Variants in BAZ1B observed in about 807,000 individuals in gnomAD.
The protein encoded by BAZ1B is tyrosine-protein kinase BAZ1B.
Under a neutral mutation model 153.8 loss-of-function variants are expected in BAZ1B, and 22 were observed. The ratio of observed to expected loss-of-function variants is 0.14; its 90% CI spans 0.10 to 0.20. The LOEUF is 0.20. Ranked by LOEUF, BAZ1B falls within the 10% of genes least tolerant of loss-of-function variation. The probability of loss-of-function intolerance (pLI) is 1.00; values close to 1 mark genes in which losing one functional copy is unlikely to be tolerated. For synonymous variants in BAZ1B, 676 were observed against 633.4 expected (o/e 1.07, Z -1.01); for missense variants, 1,325 against 1,799.3 (o/e 0.74, Z 4.77).
chr7:73,500,891 A>T (rs1484863296), intron 3 of BAZ1B, among the ~76,000 whole-genome samples: 34 of 126,738 alleles, frequency 2.7e-4, no homozygotes, highest in Middle Eastern at 4.7e-3. Flanking sequence ...CTCTGTTTAT[A>T]AAAAAAAAAA....
chr7:73,457,224 G>A (rs1437101751), intron 13 of BAZ1B, among the ~76,000 whole-genome samples: 1 of 151,956 alleles, frequency 6.6e-6, no homozygotes, highest in Non-Finnish European at 1.5e-5. Flanking sequence ...GTTGCCCAGG[G>A]TAGAGTGCAG....
chr7:73,443,876 G>A, intron 17 of BAZ1B, 108 bp downstream of exon 17: 3 of 1,526,674 alleles, frequency 2.0e-6, no homozygotes, highest in South Asian at 1.2e-5. Context: ...TGGTAAGAAG[G>A]AGGAGGGGGG....
intron 4 of BAZ1B, among the ~76,000 whole-genome samples, chr7:73,496,369 C>T (rs962669582): frequency 3.9e-5 from 6 of 152,162 alleles, no homozygotes; most frequent in Non-Finnish European, 7.4e-5. Flanking sequence ...AAGTTTGCTT[C>T]GAACTACATT....
intron 2 of BAZ1B, 86 bp downstream of exon 2, chr7:73,510,650 A>C: frequency 7.6e-7 from 1 of 1,310,006 alleles, no homozygotes; most frequent in East Asian, 2.3e-5. Flanking sequence ...CATAAACTTA[A>C]ATACACATAC....
chr7:73,447,699 G>C (rs541235536), intron 15 of BAZ1B, among the ~76,000 whole-genome samples: 1 of 152,242 alleles, frequency 6.6e-6, no homozygotes, highest in African/African-American at 2.4e-5. Context: ...TGTTTCTTTT[G>C]TCTCACAAAA....
At chr7:73,448,883 C>T (rs1191285271) in intron 15 of BAZ1B, among the ~76,000 whole-genome samples, 11 of 152,140 alleles carry the variant, frequency 7.2e-5, no homozygotes, top group African/African-American at 2.7e-4. Flanking sequence ...GTGAGCAGAT[C>T]TTTGCTTTGT....
intron 6 of BAZ1B, among the ~76,000 whole-genome samples, chr7:73,482,038 C>A (rs1789223047): frequency 1.3e-5 from 2 of 152,142 alleles, no homozygotes; most frequent in Admixed American, 1.3e-4. Flanking sequence ...GACTCTGTCT[C>A]AAAAAAACAA....
At chr7:73,446,200 T>C (rs1554566582) in intron 16 of BAZ1B, among the ~76,000 whole-genome samples, 1 of 152,202 alleles carries the variant, frequency 6.6e-6, no homozygotes. Context: ...AGTATGACCA[T>C]TCAGAGCTGC....
intron 12 of BAZ1B, among the ~76,000 whole-genome samples, chr7:73,462,108 G>A (rs1473019935): frequency 1.3e-5 from 2 of 152,176 alleles, no homozygotes; most frequent in Non-Finnish European, 2.9e-5. Flanking sequence ...ATGGTTGCTT[G>A]TACCTGCAGT....
At chr7:73,451,032 G>T in intron 13 of BAZ1B, 38 bp from the exon 14 acceptor site, 1 of 1,602,358 alleles carries the variant, frequency 6.2e-7, no homozygotes, top group South Asian at 1.1e-5. Context: ...TTACTACACT[G>T]ACCAAAGACA....
At chr7:73,466,258 G>C in intron 10 of BAZ1B, 38 bp downstream of exon 10, 1 of 1,447,758 alleles carries the variant, frequency 6.9e-7, no homozygotes, top group Non-Finnish European at 9.7e-7. Context: ...ACAATTAAAA[G>C]GAAAAAGAAA....
intron 11 of BAZ1B, among the ~76,000 whole-genome samples, chr7:73,464,400 GT>G (rs1394112913): frequency 6.6e-6 from 1 of 152,188 alleles, no homozygotes; most frequent in Non-Finnish European, 1.5e-5. Context: ...ATGTACTTCA[GT>G]TTTTTGTTGT....
At chr7:73,460,083 T>C (rs2116275487) in intron 12 of BAZ1B, among the ~76,000 whole-genome samples, 1 of 150,424 alleles carries the variant, frequency 6.6e-6, no homozygotes, top group East Asian at 2.0e-4. Flanking sequence ...TAATCCCAGC[T>C]ACTCGGGAAG....
chr7:73,515,530 CCT>C (rs1491202085), intron 1 of BAZ1B, among the ~76,000 whole-genome samples: 1 of 139,436 alleles, frequency 7.2e-6, no homozygotes, highest in Non-Finnish European at 1.5e-5. Flanking sequence ...CAGCCTTGTT[CCT>C]TTTTTTTTTT....
At chr7:73,480,955 C>T (rs1163259946) in intron 6 of BAZ1B, among the ~76,000 whole-genome samples, 1 of 152,070 alleles carries the variant, frequency 6.6e-6, no homozygotes, top group Non-Finnish European at 1.5e-5. Context: ...GAGATGGAGT[C>T]TCGCTCTGTC....
chr7:73,450,040 TTCTC>T lies in BAZ1B; in HGVS notation c.3581-355_3581-352del, dbSNP rs779250232. 7.1e-4 allele frequency among the ~76,000 whole-genome samples: 108 copies of T among 151,692 alleles called. 1 individual carries two copies. Among genetic ancestry groups the T allele is most frequent in the Middle Eastern group, 3.4e-3 (1 of 292 alleles). On this transcript the variant is annotated intron_variant, in intron 14 of 19. Transcript: ENST00000339594. The surrounding 1 kb of genome is among the most constrained non-coding windows in gnomAD (Gnocchi z 4.1). ...TTTCTCAACTTATGCCTGATGAGTGTTCTCTCTCTCTCTTTTTTTTTTTTGGAGA... is the reference window on the plus strand; with the variant it reads ...TTTCTCAACTTATGCCTGATGAGTGTTCTCTCTCTTTTTTTTTTTTGGAGA...
intron 1 of BAZ1B, among the ~76,000 whole-genome samples, chr7:73,515,531 C>CCT (rs1491298711): frequency 1.8e-5 from 2 of 111,422 alleles, no homozygotes; most frequent in East Asian, 5.2e-4. Flanking sequence ...AGCCTTGTTC[C>CCT]TTTTTTTTTT....
rs113540655 is a variant in BAZ1B at position 73,482,575 on chromosome 7, G to T, written c.892-4006C>A. On this transcript the variant is annotated intron_variant, in intron 6 of 19. Transcript: ENST00000339594. ...TTTTAAATAGGTATGTTTTAATAGG[G>T]TCTGTTACAATAACTGGGACACTTC... Among the ~76,000 whole-genome samples, 597 of 152,180 alleles carry T rather than the reference G, an allele frequency of 3.9e-3. 3 individuals carry two copies. The highest frequency in any genetic ancestry group is 5.5e-3 in the Non-Finnish European group (374 of 68,010).
chr7:73,510,485 G>C lies in BAZ1B; in HGVS notation c.224+251C>G, dbSNP rs540012338. 1.1e-4 allele frequency among the ~76,000 whole-genome samples: 16 copies of C among 152,288 alleles called. No individual in the cohort carries two copies. The South Asian group carries it at 3.3e-3, about 32-fold the overall frequency. ...TTACCAGAGTACTTACAAGGTCAAA[G>C]TATGGAGCAGGAACACTCAAAGGCC... On this transcript the variant is annotated intron_variant, in intron 2 of 19. Coordinates refer to ENST00000339594, the MANE Select transcript of BAZ1B (RefSeq NM_032408.4).
Sources: gnomAD v4.1 joint callset for allele counts (sites outside exome capture counted in the v4.1 genomes callset) on GRCh38, gnomAD v4.1.1 for gene constraint, Gnocchi (gnomAD v3.1) non-coding constraint, MANE v1.5 for transcripts, NCBI Gene and HGNC (gene_info 2026-07-23, HGNC 2026-07-21) for gene names.